The following UGT1A8 variants were observed in gnomAD, a reference collection of about 807,000 sequenced individuals.
UGT1A8 encodes the protein UDP-glucuronosyltransferase 1A8.
A neutral mutation model predicts 45.3 loss-of-function variants in UGT1A8; 39 were observed. The observed-to-expected ratio is 0.86, with a 90% CI of 0.67 to 1.12. UGT1A8 has a LOEUF of 1.12. UGT1A8 is among the 50% of genes most tolerant of loss of function. UGT1A8 has a pLI of 0.00. For missense variants in UGT1A8, 719 were observed against 664.9 expected (o/e 1.08, Z -0.90); for synonymous variants, 275 against 249.2 (o/e 1.10, Z -0.97).
At chr2:233,713,253 G>T in intron 1 of UGT1A8, 1 of 1,614,226 alleles carries the variant, frequency 6.2e-7, no homozygotes, top group Non-Finnish European at 8.5e-7. Flanking sequence ...GACCCAGGAC[G>T]AATTTGATCG....
In UGT1A8 at chr2:233,700,897, G is replaced by A. The variant is rs567027722; in HGVS notation, c.856-66137G>A. 8.2e-5 allele frequency among the ~76,000 whole-genome samples: 12 copies of A among 147,132 alleles called. 1 individual carries two copies. The East Asian group carries it at 2.2e-3, about 26-fold the overall frequency. ...CTCCCCCCACCCCACAACAGTCCCC[G>A]GTGTGTGACGTTCCTCTTCCTGTGT... is the stretch of plus-strand genomic sequence containing the variant. On this transcript the variant is annotated intron_variant, in intron 1 of 4. Coordinates refer to ENST00000373450, the MANE Select transcript of UGT1A8 (RefSeq NM_019076.5).
chr2:233,653,834 T>A (rs987746841), intron 1 of UGT1A8, among the ~76,000 whole-genome samples: 1 of 152,230 alleles, frequency 6.6e-6, no homozygotes, highest in South Asian at 2.1e-4. Flanking sequence ...TGACTTCAGA[T>A]GATCTGCCCT....
intron 1 of UGT1A8, among the ~76,000 whole-genome samples, chr2:233,646,973 G>T (rs2073622575): frequency 6.6e-6 from 1 of 152,192 alleles, no homozygotes; most frequent in Non-Finnish European, 1.5e-5. Context: ...AAAGACAGAG[G>T]TTTAATTGAC....
rs57703499 is a variant in UGT1A8, at chr2:233,667,068, G to A, written c.855+48506G>A. ...CTATCATTGTTGGACATTTGGGTTGGTTCCAAGTCTTTGCTATTGTGAATA... is the reference window on the plus strand; with the variant it reads ...CTATCATTGTTGGACATTTGGGTTGATTCCAAGTCTTTGCTATTGTGAATA... On this transcript the variant is annotated intron_variant, in intron 1 of 4. Coordinates refer to ENST00000373450, the MANE Select transcript of UGT1A8 (RefSeq NM_019076.5). 3.1e-4 allele frequency among the ~76,000 whole-genome samples: 47 copies of A among 152,218 alleles called. No homozygotes were observed. The East Asian group carries it at 8.7e-3, about 28-fold the overall frequency.
rs527779009 is a variant in UGT1A8 at position 233,754,984 on chromosome 2, G to T, written c.856-12050G>T. The T allele has an allele frequency of 3.9e-6, 5 of 1,295,396 alleles. No individual in the cohort carries two copies. In the African/African-American group the frequency reaches 6.0e-5, roughly 16 times the overall value. 80.2% of individuals were successfully genotyped at this position (1,295,396 alleles called of 1,614,324 possible). A position where few individuals can be genotyped will look rare whatever the true frequency, so the allele number is the denominator to read the frequency against. The stretch of plus-strand genomic sequence containing the variant: ...AAGAACTCCCTGAAGACCTCGGCGG[G>T]GTCACGGAAGCTGAAGACCTACTCG... On this transcript the variant is annotated intron_variant, in intron 1 of 4. Transcript: ENST00000373450.
intron 1 of UGT1A8, among the ~76,000 whole-genome samples, chr2:233,624,328 G>A (rs2073059550): frequency 2.0e-5 from 3 of 152,196 alleles, no homozygotes; most frequent in East Asian, 1.9e-4. Flanking sequence ...TCCTGGTCAG[G>A]TGTCCTGTAG....
chr2:233,766,640 TATC>T (rs1314167466), intron 1 of UGT1A8, among the ~76,000 whole-genome samples: 1 of 152,156 alleles, frequency 6.6e-6, no homozygotes, highest in African/African-American at 2.4e-5. Context: ...CCTACTTCCA[TATC>T]ATTTAAAGGG....
intron 1 of UGT1A8, among the ~76,000 whole-genome samples, chr2:233,750,410 G>A (rs1353067232): frequency 6.6e-6 from 1 of 151,900 alleles, no homozygotes; most frequent in African/African-American, 2.4e-5. Flanking sequence ...CTGACCATGT[G>A]GTAGAAAAGA....
chr2:233,656,435 A>G (rs1410267569), intron 1 of UGT1A8, among the ~76,000 whole-genome samples: 2 of 152,208 alleles, frequency 1.3e-5, no homozygotes, highest in African/African-American at 4.8e-5. Flanking sequence ...TCAGTTAGTC[A>G]GTGTCCGGTG....
intron 1 of UGT1A8, chr2:233,648,330 G>T: frequency 2.0e-6 from 1 of 497,574 alleles, no homozygotes; most frequent in South Asian, 2.0e-5. Flanking sequence ...TCCTCTCGGT[G>T]GTCTTCGCCA....
At chr2:233,650,507 T>C (rs1194454702) in intron 1 of UGT1A8, among the ~76,000 whole-genome samples, 1 of 152,222 alleles carries the variant, frequency 6.6e-6, no homozygotes, top group Admixed American at 6.5e-5. Flanking sequence ...TCCTTGCAAA[T>C]TGGTATGGAT....
chr2:233,692,942 G>C (rs867020660), intron 1 of UGT1A8: 1 of 1,596,314 alleles, frequency 6.3e-7, no homozygotes, highest in African/African-American at 1.3e-5. Flanking sequence ...AAAATACCTA[G>C]GAGCCCTGTG....
rs189666363 is a variant in UGT1A8, at chr2:233,665,935, C to A, written c.855+47373C>A. 1.2e-3 allele frequency among the ~76,000 whole-genome samples: 189 copies of A among 152,270 alleles called. 1 individual carries two copies. The highest frequency in any genetic ancestry group is 1.9e-4 in the Non-Finnish European group (13 of 68,012). On this transcript the variant is annotated intron_variant, in intron 1 of 4. Transcript: ENST00000373450. ...TGAGAGGTCCAGCTGTTCATACTCA[C>A]CAACACTGGATGTCTTAGTCCGTTT...
At chr2:233,723,536 T>TTTTTA (rs1553611580) in intron 1 of UGT1A8, among the ~76,000 whole-genome samples, 1 of 121,444 alleles carries the variant, frequency 8.2e-6, no homozygotes, top group African/African-American at 3.3e-5. Flanking sequence ...TTTTTTTTTT[T>TTTTTA]AATTTATTTT....
intron 1 of UGT1A8, chr2:233,713,016 CT>C: frequency 6.2e-7 from 1 of 1,613,704 alleles, no homozygotes; most frequent in Non-Finnish European, 8.5e-7. Context: ...CCAGGTTCCC[CT>C]GCCGCAGCTG....
rs763884856 is a variant in UGT1A8, at chr2:233,618,492, C to G, written c.785C>G (p.Pro262Arg). The G allele has an allele frequency of 6.2e-7, 1 of 1,613,882 alleles. No homozygotes were observed. Among genetic ancestry groups the G allele is most frequent in the Non-Finnish European group, 8.5e-7 (1 of 1,179,822 alleles). The stretch of plus-strand genomic sequence containing the variant: ...CGAACAGACTTTGTTTTGGACTATC[C>G]CAAACCCGTGATGCCCAATATGATC... ...LLRTDFVLDY[P>R]KPVMPNMIFI... The change falls in exon 1 of 5, where the codon CCC becomes CGC. Residue 262 changes from proline to arginine, a missense_variant. Coordinates refer to ENST00000373450, the MANE Select transcript of UGT1A8 (RefSeq NM_019076.5).
chr2:233,657,985 A>G (rs1175947557), intron 1 of UGT1A8, among the ~76,000 whole-genome samples: 1 of 151,254 alleles, frequency 6.6e-6, no homozygotes, highest in Non-Finnish European at 1.5e-5. Flanking sequence ...ACTAGCACAG[A>G]GAATTTTCAT....
At chr2:233,630,837 T>C (rs1317633321) in intron 1 of UGT1A8, among the ~76,000 whole-genome samples, 2 of 150,860 alleles carry the variant, frequency 1.3e-5, no homozygotes, top group Admixed American at 6.6e-5. Flanking sequence ...GCTCTAAAAC[T>C]CTTTTTTTTT....
intron 1 of UGT1A8, among the ~76,000 whole-genome samples, chr2:233,710,565 G>T (rs2125620366): frequency 6.6e-6 from 1 of 152,164 alleles, no homozygotes; most frequent in Non-Finnish European, 1.5e-5. Context: ...TCTTTTAAAA[G>T]GTGCCCTTTC....
Sources: allele counts gnomAD v4.1 joint callset (sites outside exome capture counted in the v4.1 genomes callset), GRCh38; gene constraint gnomAD v4.1.1; transcripts MANE v1.5; gene names NCBI Gene and HGNC (gene_info 2026-07-23, HGNC 2026-07-21).